Variants in SFMBT1 observed in about 807,000 individuals in gnomAD.
SFMBT1 encodes scm-like with four MBT domains protein 1.
Under a neutral mutation model 108.7 loss-of-function variants are expected in SFMBT1, and 32 were observed. That is an observed-to-expected ratio of 0.29 (90% confidence interval 0.22 to 0.40). The LOEUF (loss-of-function observed/expected upper bound fraction) is 0.40, where lower values mean the gene tolerates loss of function less well. Among genes scored for constraint, SFMBT1 ranks in the 10% least tolerant of loss-of-function variants. The probability of loss-of-function intolerance (pLI) is 1.00; values close to 1 mark genes in which losing one functional copy is unlikely to be tolerated. For synonymous variants in SFMBT1, 348 were observed against 369.5 expected (o/e 0.94, Z 0.67); for missense variants, 816 against 1,059.6 (o/e 0.77, Z 3.19).
At chr3:52,966,957 T>A (rs1238419132) in intron 2 of SFMBT1, among the ~76,000 whole-genome samples, 1 of 150,328 alleles carries the variant, frequency 6.7e-6, no homozygotes, top group Non-Finnish European at 1.5e-5. Context: ...AAGTTATATA[T>A]ATATATATAT....
intron 1 of SFMBT1, among the ~76,000 whole-genome samples, chr3:52,982,456 C>T (rs917118037): frequency 2.0e-5 from 3 of 152,074 alleles, no homozygotes; most frequent in African/African-American, 4.8e-5. Flanking sequence ...GGGCCGGACG[C>T]GGTGGCTCAC....
chr3:52,997,856 A>G (rs564728709), intron 1 of SFMBT1, among the ~76,000 whole-genome samples: 1 of 150,832 alleles, frequency 6.6e-6, no homozygotes, highest in East Asian at 1.9e-4. Context: ...GTCACTTACA[A>G]TATAAAACAT....
At chr3:53,008,979 A>G (rs1698850926) in intron 1 of SFMBT1, among the ~76,000 whole-genome samples, 2 of 151,920 alleles carry the variant, frequency 1.3e-5, no homozygotes, top group Admixed American at 6.6e-5. Context: ...CCTACTCTGT[A>G]AAGTGAGAAT....
At chr3:53,037,741 A>C (rs1699912071) in intron 1 of SFMBT1, among the ~76,000 whole-genome samples, 1 of 152,206 alleles carries the variant, frequency 6.6e-6, no homozygotes, top group Non-Finnish European at 1.5e-5. Flanking sequence ...TGGGAAGCTG[A>C]GGCTAGAGAA....
Position 52,905,235 on chromosome 3 carries a change from A to G in SFMBT1, c.2502T>C (p.Thr834=). 1.2e-6 allele frequency: 2 copies of G among 1,614,012 alleles called. No homozygotes were observed. The highest frequency in any genetic ancestry group is 2.2e-5 in the South Asian group (2 of 91,042). ...GQALLLLTLP[T]VQECMDLKLG... ...ATTTTAAGTCCATGCATTCTTGAAC[A>G]GTGGGAAGGGTAAGGAGCAACAGGG... The change falls in exon 21 of 21, where the codon ACT becomes ACC. Residue 834 remains threonine, a synonymous_variant. Transcript: ENST00000394752.
At chr3:52,928,629 TATATATAC>T (rs1231588020) in intron 8 of SFMBT1, 14 of 47,064 alleles carry the variant, frequency 3.0e-4, no homozygotes, top group African/African-American at 1.0e-3. Context: ...CATATATACA[TATATATAC>T]ATATATATAT....
At chr3:52,985,369 A>G (rs1704868563) in intron 1 of SFMBT1, among the ~76,000 whole-genome samples, 1 of 152,224 alleles carries the variant, frequency 6.6e-6, no homozygotes, top group Admixed American at 6.5e-5. Context: ...CCATTTATCA[A>G]GAAAAAAGAA....
intron 1 of SFMBT1, among the ~76,000 whole-genome samples, chr3:53,024,043 C>T (rs1163212950): frequency 1.1e-4 from 17 of 152,086 alleles, no homozygotes. Flanking sequence ...CCTCAAGGAG[C>T]TTACATTCTA....
chr3:53,007,487 G>A (rs76927278), intron 1 of SFMBT1, among the ~76,000 whole-genome samples: 4,985 of 152,226 alleles, frequency 0.033, 259 homozygotes, highest in African/African-American at 0.11. Context: ...TGCCAGAGTT[G>A]AGAAATTCTG....
chr3:52,929,539 A>T (rs1449311080), intron 8 of SFMBT1, among the ~76,000 whole-genome samples: 3 of 152,146 alleles, frequency 2.0e-5, no homozygotes, highest in African/African-American at 7.2e-5. Flanking sequence ...ACACCCGGCC[A>T]AAGAGATAAC....
intron 1 of SFMBT1, among the ~76,000 whole-genome samples, chr3:53,001,028 T>C (rs2581792): frequency 0.26 from 38,183 of 149,626 alleles, 7,620 homozygotes; most frequent in East Asian, 0.51. Flanking sequence ...TGGATGTTCA[T>C]CTCACTGTTT....
chr3:53,031,958 G>A (rs966103271), intron 1 of SFMBT1, among the ~76,000 whole-genome samples: 8 of 152,194 alleles, frequency 5.3e-5, no homozygotes, highest in African/African-American at 1.9e-4. Flanking sequence ...AGTGAAAAGT[G>A]TCACTAAGAA....
At chr3:53,000,572 T>C (rs921423642) in intron 1 of SFMBT1, among the ~76,000 whole-genome samples, 7 of 149,928 alleles carry the variant, frequency 4.7e-5, no homozygotes, top group African/African-American at 1.7e-4. Context: ...TATATGCCTA[T>C]ATATACATAT....
Position 52,926,037 on chromosome 3 carries a change from G to A in SFMBT1, c.1125C>T (p.Phe375=). The change falls in exon 10 of 21, where the codon TTC becomes TTT. Residue 375 remains phenylalanine (F), a synonymous_variant. Transcript: ENST00000394752. ...CGAEAAPQRC[F]PPLISEHEFK... ...AGGCCGTGGGGGTCCTCACCGGAGG[G>A]AAGCACCTCTGGGGAGCAGCTTCAG... The A allele has an allele frequency of 6.2e-7, 1 of 1,606,086 alleles. No homozygotes were observed. The highest frequency in any genetic ancestry group is 8.5e-7 in the Non-Finnish European group (1 of 1,176,984).
intron 1 of SFMBT1, among the ~76,000 whole-genome samples, chr3:52,977,209 T>C (rs1575414616): frequency 6.6e-6 from 1 of 152,178 alleles, no homozygotes; most frequent in East Asian, 1.9e-4. Context: ...GAGCAATGCC[T>C]GTATTAAGAA....
chr3:53,033,563 C>T (rs1699761696), intron 1 of SFMBT1, among the ~76,000 whole-genome samples: 2 of 152,038 alleles, frequency 1.3e-5, no homozygotes, highest in South Asian at 4.1e-4. Context: ...ATTCCAAATA[C>T]TCTCTACTTA....
intron 8 of SFMBT1, among the ~76,000 whole-genome samples, chr3:52,928,657 C>CATATATACATATATAT (rs1559514183): frequency 5.5e-5 from 2 of 36,520 alleles, no homozygotes; most frequent in African/African-American, 1.6e-4. Flanking sequence ...TATATATACA[C>CATATATACATATATAT]ATATATACAT....
chr3:52,915,285 G>C (rs1406263626), intron 14 of SFMBT1, among the ~76,000 whole-genome samples: 1 of 152,214 alleles, frequency 6.6e-6, no homozygotes, highest in Non-Finnish European at 1.5e-5. Context: ...CCTTGGCTGA[G>C]GTTGTGCAGA....
intron 1 of SFMBT1, among the ~76,000 whole-genome samples, chr3:52,989,439 G>A (rs113455142): frequency 3.2e-4 from 24 of 74,214 alleles, no homozygotes; most frequent in East Asian, 6.5e-4. Flanking sequence ...AAAAAAAAAA[G>A]AAAGAAAGAA....
Sources: allele counts gnomAD v4.1 joint callset (sites outside exome capture counted in the v4.1 genomes callset), GRCh38; gene constraint gnomAD v4.1.1; transcripts MANE v1.5; gene names NCBI Gene and HGNC (gene_info 2026-07-23, HGNC 2026-07-21).